GLI2: variants seen among roughly 807,000 people sequenced by gnomAD.
GLI2 encodes transcription activator GLI2.
Under a neutral mutation model 78.9 loss-of-function variants are expected in GLI2, and 22 were observed. The observed-to-expected ratio is 0.28, with a 90% CI of 0.20 to 0.40. The LOEUF is 0.40. Among genes scored for constraint, GLI2 ranks in the 10% least tolerant of loss-of-function variants. GLI2 has a pLI of 1.00. For synonymous variants in GLI2, 974 were observed against 963.7 expected (o/e 1.01, Z -0.20); for missense variants, 2,097 against 2,213.2 (o/e 0.95, Z 1.05).
chr2:120,991,890 G>A lies in GLI2; in HGVS notation c.*1215G>A. On this transcript the variant is annotated 3_prime_UTR_variant, in exon 14 of 14. Coordinates refer to ENST00000361492, the MANE Select transcript of GLI2 (RefSeq NM_001374353.1). ...ATCCTCAGGACTCTGAGGGAGCATC[G>A]TTGAATTTTCCTGTTCAGTGTGACC... The A allele has an allele frequency of 6.6e-6, 1 of 152,290 alleles. No homozygotes were observed. The highest frequency in any genetic ancestry group is 2.4e-5 in the African/African-American group (1 of 41,498). 9.4% of individuals were successfully genotyped at this position (152,290 alleles called of 1,614,324 possible). A position where few individuals can be genotyped will look rare whatever the true frequency, so the allele number is the denominator to read the frequency against.
chr2:120,961,961 AG>A (rs67173567), intron 5 of GLI2, among the ~76,000 whole-genome samples: 1 of 151,880 alleles, frequency 6.6e-6, no homozygotes, highest in East Asian at 1.9e-4. Context: ...TCCTGGGACC[AG>A]GTGCCAGGAT....
At chr2:120,759,789 T>A in intron 1 of GLI2, among the ~76,000 whole-genome samples, 1 of 152,172 alleles carries the variant, frequency 6.6e-6, no homozygotes, top group Admixed American at 6.5e-5. Flanking sequence ...CCCTCTCTTC[T>A]GCCTTGGATT....
At position 120,988,989 on chromosome 2, in the gene GLI2, G is replaced by T; in HGVS notation, c.3024G>T (p.Ser1008=). The T allele has an allele frequency of 6.3e-7, 1 of 1,581,444 alleles. No homozygotes were observed. ...TDGGLARGAY[S]PRPPSISENV... ...GCGGCCTGGCCCGCGGCGCCTACTC[G>T]CCCCGGCCGCCTAGCATCAGCGAGA... Residue 1008 remains serine (S), a synonymous_variant, in exon 14 of 14, where the codon TCG becomes TCT. Coordinates refer to ENST00000361492, the MANE Select transcript of GLI2 (RefSeq NM_001374353.1).
At chr2:120,840,887 C>T (rs1686837236) in intron 2 of GLI2, among the ~76,000 whole-genome samples, 1 of 152,160 alleles carries the variant, frequency 6.6e-6, no homozygotes, top group South Asian at 2.1e-4. Context: ...AAGAGATCCA[C>T]TGGGTTACTG....
intron 3 of GLI2, among the ~76,000 whole-genome samples, chr2:120,943,944 C>T (rs1255507407): frequency 1.3e-5 from 2 of 152,170 alleles, no homozygotes; most frequent in African/African-American, 4.8e-5. Context: ...TTCTTGCCCC[C>T]ACACCTTGGC....
chr2:120,764,000 A>G (rs1317010174), intron 1 of GLI2, among the ~76,000 whole-genome samples: 3 of 152,192 alleles, frequency 2.0e-5, no homozygotes, highest in East Asian at 1.9e-4. Flanking sequence ...ATCTCCCTCT[A>G]AGAACTTTCC....
At chr2:120,944,793 A>C (rs1530579) in intron 3 of GLI2, among the ~76,000 whole-genome samples, 127,270 of 152,274 alleles carry the variant, frequency 0.84, 57,293 homozygotes, top group East Asian at 1. Flanking sequence ...TAAAATGGAG[A>C]TAATGAAATC....
chr2:120,978,373 A>AG (rs1387909745), intron 9 of GLI2, 61 bp from the exon 10 acceptor site: 1 of 1,600,050 alleles, frequency 6.2e-7, no homozygotes, highest in African/African-American at 1.3e-5. Context: ...AGCTGACAGC[A>AG]GGGGGTGGTC....
Position 120,737,889 on chromosome 2 carries a change from C to A in GLI2, c.-31+1604C>A, listed in dbSNP as rs1682417123. 6.6e-6 allele frequency among the ~76,000 whole-genome samples: 1 copy of A among 152,196 alleles called. No homozygotes were observed. Among genetic ancestry groups the A allele is most frequent in the African/African-American group, 2.4e-5 (1 of 41,446 alleles). On this transcript the variant is annotated intron_variant, in intron 1 of 13. Transcript: ENST00000361492. The surrounding 1 kb of genome is among the most constrained non-coding windows in gnomAD (Gnocchi z 4.3). ...AATCCAAAATATACAGCGGGGAAAG[C>A]GGAGGAATAGGCGGGTTTGTCACAG...
intron 2 of GLI2, among the ~76,000 whole-genome samples, chr2:120,829,014 ATGACATGC>A (rs1686222948): frequency 6.6e-6 from 1 of 152,078 alleles, no homozygotes; most frequent in African/African-American, 2.4e-5. Flanking sequence ...GTCACCCAAA[ATGACATGC>A]TGTCACTCAT....
chr2:120,931,248 G>A (rs919314437), intron 3 of GLI2, among the ~76,000 whole-genome samples: 16 of 152,358 alleles, frequency 1.1e-4, no homozygotes, highest in African/African-American at 3.6e-4. Context: ...AGGTTCTGGA[G>A]GTTGCCTGCA....
intron 1 of GLI2, among the ~76,000 whole-genome samples, chr2:120,741,707 C>T (rs935710922): frequency 4.6e-5 from 7 of 152,050 alleles, no homozygotes; most frequent in African/African-American, 1.7e-4. Flanking sequence ...CGTGTCCGAG[C>T]GGCGCCGACC....
chr2:120,948,145 G>T (rs546430466), intron 3 of GLI2, among the ~76,000 whole-genome samples: 1 of 152,342 alleles, frequency 6.6e-6, no homozygotes, highest in African/African-American at 2.4e-5. Context: ...CCCGCTGGAG[G>T]GAGCTCCTGC....
At chr2:120,795,905 C>G (rs897454904) in intron 1 of GLI2, among the ~76,000 whole-genome samples, 1 of 152,044 alleles carries the variant, frequency 6.6e-6, no homozygotes, top group Non-Finnish European at 1.5e-5. Context: ...CAAAATTAGC[C>G]GGGCGTGGTG....
In GLI2 at chr2:120,970,617, G is replaced by A; in HGVS notation, c.1059+11G>A. 1.2e-6 allele frequency: 2 copies of A among 1,608,848 alleles called. No individual in the cohort carries two copies. Among genetic ancestry groups the A allele is most frequent in the East Asian group, 4.5e-5 (2 of 44,868 alleles). On this transcript the variant is annotated intron_variant, in intron 7 of 13. Transcript: ENST00000361492. ...AGTGACACCAACCAGGTAGGTGGGT[G>A]CAGGGGCCAGGATGGCCACTGGGTA...
At chr2:120,913,096 G>A (rs1410000173) in intron 2 of GLI2, among the ~76,000 whole-genome samples, 2 of 152,218 alleles carry the variant, frequency 1.3e-5, no homozygotes, top group Admixed American at 6.5e-5. Flanking sequence ...AGATTCAAAG[G>A]TGAGGAAGGA....
intron 2 of GLI2, among the ~76,000 whole-genome samples, chr2:120,857,210 T>A (rs1687685397): frequency 6.6e-6 from 1 of 151,732 alleles, no homozygotes; most frequent in African/African-American, 2.4e-5. Context: ...GAAAGAGGAG[T>A]GAGGTGGGGA....
At chr2:120,912,705 C>G (rs1678888967) in intron 2 of GLI2, among the ~76,000 whole-genome samples, 1 of 152,206 alleles carries the variant, frequency 6.6e-6, no homozygotes, top group South Asian at 2.1e-4. Flanking sequence ...CCTCATGACC[C>G]CGGCATGGGC....
intron 2 of GLI2, 56 bp from the exon 3 acceptor site, chr2:120,927,305 C>A: frequency 1.6e-6 from 2 of 1,283,962 alleles, no homozygotes; most frequent in Non-Finnish European, 2.3e-6. Context: ...TTGAAAGTAG[C>A]TTTTTGAGGG....
Sources: allele counts gnomAD v4.1 joint callset (sites outside exome capture counted in the v4.1 genomes callset), GRCh38; gene constraint gnomAD v4.1.1; non-coding constraint Gnocchi (gnomAD v3.1); transcripts MANE v1.5; gene names NCBI Gene and HGNC (gene_info 2026-07-23, HGNC 2026-07-21).